Variants in SGCZ observed in about 807,000 individuals in gnomAD.
SGCZ encodes the protein sarcoglycan zeta.
A neutral mutation model predicts 41.3 loss-of-function variants in SGCZ; 40 were observed. The ratio of observed to expected loss-of-function variants is 0.97; its 90% confidence interval spans 0.75 to 1.26. The LOEUF (loss-of-function observed/expected upper bound fraction) is 1.26. Ranked by LOEUF, SGCZ falls within the 50% of genes most tolerant of loss-of-function variation. The pLI, the probability that SGCZ is intolerant of heterozygous loss-of-function variation, is 0.00. For missense variants in SGCZ, 552 were observed against 369.8 expected (o/e 1.49, Z -4.04); for synonymous variants, 206 against 137.5 (o/e 1.50, Z -3.49).
At chr8:14,717,279 T>C (rs1563221956) in intron 1 of SGCZ, among the ~76,000 whole-genome samples, 1 of 152,156 alleles carries the variant, frequency 6.6e-6, no homozygotes, top group Non-Finnish European at 1.5e-5. Context: ...AAACAACTTG[T>C]AGGGAATACA....
intron 2 of SGCZ, among the ~76,000 whole-genome samples, chr8:14,454,586 C>T (rs1585536443): frequency 6.6e-6 from 1 of 151,830 alleles, no homozygotes; most frequent in East Asian, 1.9e-4. Flanking sequence ...ATACGAGTAG[C>T]TCAAAAACAC....
chr8:14,822,991 T>C (rs1802162337), intron 1 of SGCZ, among the ~76,000 whole-genome samples: 1 of 144,018 alleles, frequency 6.9e-6, no homozygotes, highest in Non-Finnish European at 1.5e-5. Flanking sequence ...GAGGCAGAGA[T>C]TGCAGTAAGC....
intron 1 of SGCZ, among the ~76,000 whole-genome samples, chr8:14,874,219 C>A (rs966228374): frequency 1.9e-4 from 29 of 152,188 alleles, no homozygotes; most frequent in African/African-American, 6.7e-4. Flanking sequence ...AATATTCATG[C>A]ATTTCAATAT....
chr8:15,177,655 C>A lies in SGCZ; in HGVS notation c.39+59930G>T, dbSNP rs575430579. Among the ~76,000 whole-genome samples the A allele has an allele frequency of 4.6e-5, 7 of 152,076 alleles. No homozygotes were observed. In the South Asian group the frequency reaches 1.2e-3, roughly 27 times the overall value. ...TCAATATTCAAAGCAAGATAAAGATCTAAAATGTATAATGGGCAATCTGTA... is the reference window on the plus strand; with the variant it reads ...TCAATATTCAAAGCAAGATAAAGATATAAAATGTATAATGGGCAATCTGTA... On this transcript the variant is annotated intron_variant, in intron 1 of 7. Coordinates refer to ENST00000382080, the MANE Select transcript of SGCZ (RefSeq NM_139167.4).
At chr8:14,821,178 T>G (rs950024508) in intron 1 of SGCZ, among the ~76,000 whole-genome samples, 4 of 152,050 alleles carry the variant, frequency 2.6e-5, no homozygotes, top group South Asian at 2.1e-4. Context: ...AAGAGACTAT[T>G]ATGAATGAAC....
chr8:15,217,020 G>T (rs1402898632), intron 1 of SGCZ, among the ~76,000 whole-genome samples: 1 of 151,882 alleles, frequency 6.6e-6, no homozygotes, highest in African/African-American at 2.4e-5. Flanking sequence ...GACTTTTCAG[G>T]TATCATGTCC....
intron 1 of SGCZ, among the ~76,000 whole-genome samples, chr8:14,680,964 G>GAAAAAAAA (rs71209075): frequency 2.5e-5 from 3 of 117,936 alleles, no homozygotes; most frequent in Non-Finnish European, 3.3e-5. Context: ...AAAAGAGTGG[G>GAAAAAAAA]AAAAAAAAAA....
intron 1 of SGCZ, among the ~76,000 whole-genome samples, chr8:14,780,815 A>G (rs763780060): frequency 3.3e-5 from 5 of 152,160 alleles, no homozygotes; most frequent in Non-Finnish European, 7.3e-5. Context: ...TCTTTTTTAA[A>G]TTACTTCCAG....
At chr8:14,841,523 T>G (rs1341396447) in intron 1 of SGCZ, among the ~76,000 whole-genome samples, 2 of 152,182 alleles carry the variant, frequency 1.3e-5, no homozygotes, top group Non-Finnish European at 2.9e-5. Flanking sequence ...AGCAAGAAAT[T>G]TAATAGCTTG....
rs1046444798 is a variant in SGCZ at position 14,234,139 on chromosome 8, T to C, written c.424+3453A>G. 1.3e-5 allele frequency among the ~76,000 whole-genome samples: 2 copies of C among 152,198 alleles called. 1 individual carries two copies. The highest frequency in any genetic ancestry group is 6.8e-3 in the Middle Eastern group (2 of 294). ...CACAGAAAATATCTGTCAAATTGAT[T>C]TTTCTACCTAAAGTTTTAAAATATT... On this transcript the variant is annotated intron_variant, in intron 4 of 7. Transcript: ENST00000382080.
intron 1 of SGCZ, among the ~76,000 whole-genome samples, chr8:15,093,725 G>A (rs1181920650): frequency 6.6e-6 from 1 of 152,086 alleles, no homozygotes; most frequent in Non-Finnish European, 1.5e-5. Context: ...TATCCTCAAG[G>A]TTAATTGATT....
At chr8:14,966,459 G>A (rs1287768914) in intron 1 of SGCZ, among the ~76,000 whole-genome samples, 1 of 151,784 alleles carries the variant, frequency 6.6e-6, no homozygotes, top group East Asian at 1.9e-4. Context: ...AACTCTAGGG[G>A]AATAAAAGAT....
intron 1 of SGCZ, among the ~76,000 whole-genome samples, chr8:14,966,660 G>A (rs1434761207): frequency 2.0e-5 from 3 of 151,996 alleles, no homozygotes; most frequent in Non-Finnish European, 2.9e-5. Context: ...AAAAGCACCA[G>A]ATTAACAACA....
chr8:14,623,054 T>C (rs571442435), intron 1 of SGCZ, among the ~76,000 whole-genome samples: 5 of 152,126 alleles, frequency 3.3e-5, no homozygotes, highest in Admixed American at 2.6e-4. Flanking sequence ...TCCAGGAACA[T>C]ACCAAAACAA....
At chr8:14,709,797 T>C (rs1370744402) in intron 1 of SGCZ, among the ~76,000 whole-genome samples, 1 of 152,194 alleles carries the variant, frequency 6.6e-6, no homozygotes, top group African/African-American at 2.4e-5. Flanking sequence ...TATTTAAATG[T>C]AACTAACATT....
At chr8:14,223,967 T>G (rs954423457) in intron 4 of SGCZ, among the ~76,000 whole-genome samples, 1 of 152,202 alleles carries the variant, frequency 6.6e-6, no homozygotes, top group Non-Finnish European at 1.5e-5. Context: ...TAGATATTAT[T>G]AAAATGTTCA....
intron 4 of SGCZ, among the ~76,000 whole-genome samples, chr8:14,171,943 T>C (rs1000530301): frequency 6.6e-6 from 1 of 152,154 alleles, no homozygotes; most frequent in Non-Finnish European, 1.5e-5. Flanking sequence ...AAAAATCCTA[T>C]TATATAACTG....
intron 4 of SGCZ, among the ~76,000 whole-genome samples, chr8:14,221,847 T>C (rs1438700421): frequency 6.6e-6 from 1 of 151,864 alleles, no homozygotes; most frequent in African/African-American, 2.4e-5. Context: ...CGTGTGCCTG[T>C]AATCTCGGGA....
intron 1 of SGCZ, among the ~76,000 whole-genome samples, chr8:14,840,798 T>G (rs975581945): frequency 1.3e-4 from 20 of 151,884 alleles, no homozygotes; most frequent in Non-Finnish European, 2.8e-4. Flanking sequence ...CTTTTTAACT[T>G]TATGAGACTT....
Sources: gnomAD v4.1 joint callset for allele counts (sites outside exome capture counted in the v4.1 genomes callset) on GRCh38, gnomAD v4.1.1 for gene constraint, MANE v1.5 for transcripts, NCBI Gene and HGNC (gene_info 2026-07-23, HGNC 2026-07-21) for gene names.